PCDHA4: variants seen among roughly 807,000 people sequenced by gnomAD.
PCDHA4 encodes the protein protocadherin alpha 4, also known as protocadherin alpha-4.
A neutral mutation model predicts 61.4 loss-of-function variants in PCDHA4; 49 were observed. That is an observed-to-expected ratio of 0.80 (90% CI 0.63 to 1.01). The LOEUF (loss-of-function observed/expected upper bound fraction) is 1.01. Ranked by LOEUF, PCDHA4 falls within the 50% of genes least tolerant of loss-of-function variation. PCDHA4 has a pLI of 0.00. For missense variants in PCDHA4, 1,254 were observed against 1,235.8 expected (o/e 1.01, Z -0.22); for synonymous variants, 590 against 550.3 (o/e 1.07, Z -1.01).
chr5:140,982,380 C>G, intron 2 of PCDHA4, 95 bp from the exon 3 acceptor site: 1 of 1,577,206 alleles, frequency 6.3e-7, no homozygotes, highest in Non-Finnish European at 8.6e-7. Flanking sequence ...AGCTGCAGCC[C>G]TGGCTTCATA....
chr5:140,898,245 T>G (rs1583300763), intron 1 of PCDHA4, among the ~76,000 whole-genome samples: 1 of 152,246 alleles, frequency 6.6e-6, no homozygotes, highest in East Asian at 1.9e-4. Flanking sequence ...TTTGGTGTTT[T>G]AGACATGAAG....
intron 1 of PCDHA4, chr5:140,824,781 C>T (rs140660450): frequency 8.6e-5 from 13 of 151,794 alleles, no homozygotes; most frequent in Admixed American, 5.2e-4. Flanking sequence ...TTTAACACCA[C>T]CCTTCCAATT....
chr5:141,010,225 C>T lies in PCDHA4; in HGVS notation c.*288C>T. The T allele has an allele frequency of 6.4e-7, 1 of 1,551,848 alleles. No homozygotes were observed. The highest frequency in any genetic ancestry group is 8.7e-7 in the Non-Finnish European group (1 of 1,147,026). The stretch of plus-strand genomic sequence containing the variant: ...CCGCCGCAAAGGAGAGGCTTCCCAG[C>T]CCCGCCAGTGAGAGGTTGGACTCTC... On this transcript the variant is annotated 3_prime_UTR_variant, in exon 4 of 4. Coordinates refer to ENST00000530339, the MANE Select transcript of PCDHA4 (RefSeq NM_018907.4).
At chr5:140,939,152 G>A (rs1486129737) in intron 1 of PCDHA4, among the ~76,000 whole-genome samples, 20 of 152,068 alleles carry the variant, frequency 1.3e-4, no homozygotes, top group Admixed American at 1.2e-3. Context: ...CAAGGTCCTG[G>A]CAGATTTGTG....
chr5:140,843,693 T>C, intron 1 of PCDHA4: 1 of 1,585,660 alleles, frequency 6.3e-7, no homozygotes, highest in Non-Finnish European at 8.6e-7. Context: ...GAGCAAGATT[T>C]AAATGTTGAT....
chr5:140,918,955 T>G lies in PCDHA4; in HGVS notation c.2386-59994T>G, dbSNP rs904506594. Among the ~76,000 whole-genome samples, 3 of 152,258 alleles carry G rather than the reference T, an allele frequency of 2.0e-5. 1 individual carries two copies. Among genetic ancestry groups the G allele is most frequent in the African/African-American group, 7.2e-5 (3 of 41,472 alleles). ...TTTTGTTATAATATCCTGAACAGAC[T>G]AAGACAGATATCGTTTAGGTTAGTT... On this transcript the variant is annotated intron_variant, in intron 1 of 3. Transcript: ENST00000530339.
At chr5:140,864,091 A>C (rs564098013) in intron 1 of PCDHA4, 4 of 152,590 alleles carry the variant, frequency 2.6e-5, no homozygotes, top group Admixed American at 2.0e-4. Context: ...TTCAGTTGAT[A>C]AGTATAATGA....
chr5:140,961,716 G>A (rs2095631233), intron 1 of PCDHA4, among the ~76,000 whole-genome samples: 1 of 152,082 alleles, frequency 6.6e-6, no homozygotes, highest in African/African-American at 2.4e-5. Flanking sequence ...TCATTTCTAA[G>A]TGCTCATAAA....
intron 1 of PCDHA4, among the ~76,000 whole-genome samples, chr5:140,917,793 G>A (rs1405580492): frequency 6.6e-6 from 1 of 152,082 alleles, no homozygotes; most frequent in African/African-American, 2.4e-5. Flanking sequence ...TTTGGTTACT[G>A]TAGCCTTGCA....
Position 140,842,339 on chromosome 5 carries a change from A to G in PCDHA4, c.2385+32767A>G, listed in dbSNP as rs2150334391. 9 of 1,607,816 alleles carry G rather than the reference A, an allele frequency of 5.6e-6. No individual in the cohort carries two copies. The South Asian group carries it at 9.9e-5, about 18-fold the overall frequency. Reference sequence around the variant, plus strand: ...GGGTCATTGCACCGTTTTAGTGAGAATTTTGGATAAAAATGATAACGTCCC... The same window carrying G: ...GGGTCATTGCACCGTTTTAGTGAGAGTTTTGGATAAAAATGATAACGTCCC... On this transcript the variant is annotated intron_variant, in intron 1 of 3. Coordinates refer to ENST00000530339, the MANE Select transcript of PCDHA4 (RefSeq NM_018907.4).
chr5:140,850,946 T>A (rs2150503431), intron 1 of PCDHA4: 1 of 1,504,084 alleles, frequency 6.6e-7, no homozygotes, highest in East Asian at 2.3e-5. Flanking sequence ...AAAGATATTA[T>A]CGATTACTCC....
At chr5:140,861,531 T>G (rs1219248238) in intron 1 of PCDHA4, 2 of 447,948 alleles carry the variant, frequency 4.5e-6, no homozygotes, top group Non-Finnish European at 9.2e-6. Flanking sequence ...GATCTCGGAG[T>G]GCAGCATCCA....
intron 1 of PCDHA4, among the ~76,000 whole-genome samples, chr5:140,838,565 A>G (rs1275372671): frequency 2.0e-5 from 3 of 151,890 alleles, no homozygotes; most frequent in South Asian, 4.2e-4. Context: ...CCAGTACTGT[A>G]TTAGGGACAT....
chr5:140,876,807 G>A (rs782408048), intron 1 of PCDHA4: 1 of 1,614,234 alleles, frequency 6.2e-7, no homozygotes, highest in South Asian at 1.1e-5. Context: ...CCGTGGAGGT[G>A]GCCGACGTGA....
chr5:140,834,926 C>T (rs2150229096), intron 1 of PCDHA4: 1 of 1,582,826 alleles, frequency 6.3e-7, no homozygotes, highest in African/African-American at 1.4e-5. Context: ...TCTTCCTGGA[C>T]GTGCCAACCA....
intron 1 of PCDHA4, chr5:140,825,843 T>C (rs1768734977): frequency 6.6e-6 from 1 of 152,442 alleles, no homozygotes; most frequent in Non-Finnish European, 1.5e-5. Context: ...AAATATACCA[T>C]GATACAAACT....
chr5:140,849,038 C>A, intron 1 of PCDHA4: 2 of 1,575,008 alleles, frequency 1.3e-6, no homozygotes, highest in Non-Finnish European at 1.7e-6. Context: ...TCTTCCTGGA[C>A]GTGCCAACCA....
chr5:140,888,811 T>C (rs187578319), intron 1 of PCDHA4, among the ~76,000 whole-genome samples: 124 of 152,270 alleles, frequency 8.1e-4, no homozygotes, highest in African/African-American at 1.8e-3. Context: ...CAGTGATCTG[T>C]GATCTGTGAT....
chr5:140,807,409 T>A lies in PCDHA4; in HGVS notation c.222T>A (p.Leu74=). 6.4e-7 allele frequency: 1 copy of A among 1,572,226 alleles called. No homozygotes were observed. The highest frequency in any genetic ancestry group is 8.7e-7 in the Non-Finnish European group (1 of 1,155,934). ...TGGCGTCCAAGGGCCGCGGAGGCCT[T>A]CTGGAGGTAAATCTGCAGAATGGCA... ...FRVASKGRGG[L]LEVNLQNGIL... Residue 74 remains leucine, a synonymous_variant, in exon 1 of 4, where the codon CTT becomes CTA. Coordinates refer to ENST00000530339, the MANE Select transcript of PCDHA4 (RefSeq NM_018907.4).
Sources: allele counts gnomAD v4.1 joint callset (sites outside exome capture counted in the v4.1 genomes callset), GRCh38; gene constraint gnomAD v4.1.1; transcripts MANE v1.5; gene names NCBI Gene and HGNC (gene_info 2026-07-23, HGNC 2026-07-21).